PCM1: variants seen among roughly 807,000 people sequenced by gnomAD.
PCM1 encodes the protein pericentriolar material 1 protein.
PCM1 carries 157 observed loss-of-function variants against 241.9 expected under a neutral mutation model. The ratio of observed to expected loss-of-function variants is 0.65; its 90% CI spans 0.57 to 0.74. PCM1 has a LOEUF of 0.74. PCM1 is among the 30% of genes least tolerant of loss of function. The pLI is 0.00. For synonymous variants in PCM1, 1,085 were observed against 784.9 expected (o/e 1.38, Z -6.39); for missense variants, 3,478 against 2,360.1 (o/e 1.47, Z -9.81).
intron 7 of PCM1, among the ~76,000 whole-genome samples, chr8:17,948,595 G>C (rs879536871): frequency 1.3e-5 from 2 of 151,982 alleles, no homozygotes; most frequent in Admixed American, 6.5e-5. Context: ...CAGCCACCGT[G>C]CCTGGTCAAT....
At position 17,991,674 on chromosome 8, in the gene PCM1, C is replaced by G; in HGVS notation, c.4664C>G (p.Ala1555Gly). ...RIIEDGDGAG[A>G]GTTVNNLEET... ...ATTGAGGATGGAGATGGTGCTGGTGCAGGTACTACAGTTAATAATTTAGAA... is the reference window on the plus strand; with the variant it reads ...ATTGAGGATGGAGATGGTGCTGGTGGAGGTACTACAGTTAATAATTTAGAA... The change falls in exon 28 of 39, where the codon GCA becomes GGA. Residue 1555 changes from alanine to glycine, a missense_variant. By Grantham distance (60) the Ala-to-Gly change is moderately conservative. Transcript: ENST00000325083. 6.4e-7 allele frequency: 1 copy of G among 1,553,900 alleles called. No homozygotes were observed. Among genetic ancestry groups the G allele is most frequent in the African/African-American group, 1.4e-5 (1 of 73,234 alleles).
chr8:17,972,394 G>A lies in PCM1; in HGVS notation c.3650G>A (p.Gly1217Asp). The change falls in exon 23 of 39, where the codon GGT becomes GAT. Residue 1217 changes from glycine (G) to aspartate (D), a missense_variant. Gly to Asp is a moderately conservative substitution (Grantham distance 94). Transcript: ENST00000325083. ...SRTPWLYEQE[G>D]EVEKPFIKTG... ...ACACCATGGTTATATGAACAAGAAG[G>A]TGAAGTAGAGAAACCATTTATCAAG... 2 of 1,603,146 alleles carry A rather than the reference G, an allele frequency of 1.2e-6. No individual in the cohort carries two copies. Among genetic ancestry groups the A allele is most frequent in the Non-Finnish European group, 1.7e-6 (2 of 1,173,516 alleles).
At chr8:17,993,965 C>A (rs1425631708) in intron 29 of PCM1, among the ~76,000 whole-genome samples, 1 of 152,112 alleles carries the variant, frequency 6.6e-6, no homozygotes, top group Non-Finnish European at 1.5e-5. Flanking sequence ...TTGATACAGG[C>A]ATGCAATATG....
At chr8:17,986,985 T>G (rs537613007) in intron 26 of PCM1, among the ~76,000 whole-genome samples, 150 of 151,942 alleles carry the variant, frequency 9.9e-4, no homozygotes, top group Non-Finnish European at 1.7e-3. Context: ...ATACAGTAAT[T>G]TCTGAGTTTT....
intron 29 of PCM1, among the ~76,000 whole-genome samples, chr8:17,994,079 A>G (rs2085725960): frequency 6.6e-6 from 1 of 152,182 alleles, no homozygotes; most frequent in Non-Finnish European, 1.5e-5. Context: ...AAAATGTATA[A>G]TTAAATTATT....
At chr8:18,014,122 A>G in intron 35 of PCM1, 86 bp downstream of exon 35, 1 of 774,150 alleles carries the variant, frequency 1.3e-6, no homozygotes, top group East Asian at 2.8e-5. Context: ...CACACACAGA[A>G]AACACTAAAA....
In PCM1 at chr8:17,986,007, G is replaced by A. The variant is rs370611923; in HGVS notation, c.4330G>A (p.Val1444Ile). Residue 1444 changes from valine (V) to isoleucine (I), a missense_variant, in exon 26 of 39, where the codon GTA becomes ATA. Transcript: ENST00000325083. ...TGAGAGCCATGAAAAAGGAGAAAAT[G>A]TAAAGTCAGTAAACTCTGGTACTTG... ...ISESHEKGEN[V>I]KSVNSGTWIA... 1.3e-6 allele frequency: 2 copies of A among 1,593,334 alleles called. No homozygotes were observed. Among genetic ancestry groups the A allele is most frequent in the African/African-American group, 1.3e-5 (1 of 74,398 alleles).
At chr8:18,020,477 A>G (rs561175570) in intron 36 of PCM1, among the ~76,000 whole-genome samples, 1 of 152,332 alleles carries the variant, frequency 6.6e-6, no homozygotes, top group South Asian at 2.1e-4. Context: ...CTCAGATGTC[A>G]GTCTGCTTAA....
chr8:18,024,037 G>C (rs1466583545), intron 36 of PCM1, among the ~76,000 whole-genome samples: 1 of 152,168 alleles, frequency 6.6e-6, no homozygotes, highest in African/African-American at 2.4e-5. Context: ...GAAAATACCT[G>C]ACCAAAACCC....
At chr8:17,961,083 A>G (rs1026493019) in intron 15 of PCM1, among the ~76,000 whole-genome samples, 2 of 152,170 alleles carry the variant, frequency 1.3e-5, no homozygotes, top group African/African-American at 2.4e-5. Flanking sequence ...CTGAAATAAT[A>G]TAATAAAATC....
chr8:17,967,780 T>C (rs925881884), intron 21 of PCM1, among the ~76,000 whole-genome samples: 2 of 152,296 alleles, frequency 1.3e-5, no homozygotes, highest in African/African-American at 2.4e-5. Flanking sequence ...AATAAGACAG[T>C]GCTCTCCTAA....
intron 24 of PCM1, 63 bp from the exon 25 acceptor site, chr8:17,985,384 T>C: frequency 9.5e-7 from 1 of 1,052,994 alleles, no homozygotes; most frequent in Non-Finnish European, 1.4e-6. Flanking sequence ...TGATACTAGC[T>C]AATAAAAGTT....
rs1023930038 is a variant in PCM1 at position 18,027,826 on chromosome 8, C to T, written c.*164C>T. ...CCATGGTAGTTTAAAACATCAGAAA[C>T]TGAATTCTGGACAGATTTAAGCCTT... On this transcript the variant is annotated 3_prime_UTR_variant, in exon 39 of 39. Transcript: ENST00000325083. 2.3e-6 allele frequency: 1 copy of T among 434,988 alleles called. No individual in the cohort carries two copies. The highest frequency in any genetic ancestry group is 2.1e-5 in the African/African-American group (1 of 48,770). 26.9% of individuals were successfully genotyped at this position (434,988 alleles called of 1,614,324 possible). A position where few individuals can be genotyped will look rare whatever the true frequency, so the allele number is the denominator to read the frequency against.
At position 17,993,524 on chromosome 8, in the gene PCM1, A is replaced by C; in HGVS notation, c.4732A>C (p.Ser1578Arg). 3.1e-6 allele frequency: 5 copies of C among 1,588,012 alleles called. No homozygotes were observed. The highest frequency in any genetic ancestry group is 4.3e-6 in the Non-Finnish European group (5 of 1,166,932). The stretch of plus-strand genomic sequence containing the variant: ...AAATCGTAGTTCACAACAACCTGTA[A>C]GTGAAGTTTCTACCATCCCATGTCC... ...IENRSSQQPV[S>R]EVSTIPCPRI... The change falls in exon 29 of 39, where the codon AGT (serine) becomes CGT (arginine). Residue 1578 changes from serine to arginine, a missense_variant. Physicochemically the swap from Ser to Arg is moderately radical, Grantham distance 110. Transcript: ENST00000325083.
intron 23 of PCM1, among the ~76,000 whole-genome samples, chr8:17,977,731 C>T (rs1316792343): frequency 6.6e-6 from 1 of 152,168 alleles, no homozygotes; most frequent in Admixed American, 6.6e-5. Flanking sequence ...GAGCATTAGT[C>T]TTTGCAGCTG....
Position 17,980,714 on chromosome 8 carries a change from A to G in PCM1, c.4067A>G (p.Glu1356Gly), listed in dbSNP as rs2080420611. 3 of 1,611,980 alleles carry G rather than the reference A, an allele frequency of 1.9e-6. No individual in the cohort carries two copies. The highest frequency in any genetic ancestry group is 2.5e-6 in the Non-Finnish European group (3 of 1,179,096). The change falls in exon 24 of 39, where the codon GAA (glutamate) becomes GGA (glycine). Residue 1356 changes from glutamate to glycine, a missense_variant. Coordinates refer to ENST00000325083, the MANE Select transcript of PCM1 (RefSeq NM_006197.4). ...AGCAGAAAGAATCATGAGCAACTGG[A>G]AAAAATAATAAAATGTAATAGGTCT... ...VFSRKNHEQL[E>G]KIIKCNRSTE...
intron 7 of PCM1, among the ~76,000 whole-genome samples, chr8:17,949,833 A>C (rs1310309576): frequency 6.6e-6 from 1 of 152,172 alleles, no homozygotes; most frequent in Non-Finnish European, 1.5e-5. Context: ...GTTAGAAGTC[A>C]GGTTAAGGAT....
In PCM1 at chr8:17,989,974, A is replaced by T. The variant is rs780703131; in HGVS notation, c.4526A>T (p.Asp1509Val). The change falls in exon 27 of 39, where the codon GAT becomes GTT. Residue 1509 changes from aspartate to valine, a missense_variant. By Grantham distance (152) the Asp-to-Val change is radical (BLOSUM62 -3). Coordinates refer to ENST00000325083, the MANE Select transcript of PCM1 (RefSeq NM_006197.4). Reference protein sequence around the residue: ...SSNFEPFATDDLGNTVIHLDQ... With the variant: ...SSNFEPFATDVLGNTVIHLDQ... ...AATTTTGAGCCTTTTGCAACAGATG[A>T]TCTAGGTAAGCAGAATTGTTTATAA... 27 of 1,530,596 alleles carry T rather than the reference A, an allele frequency of 1.8e-5. No individual in the cohort carries two copies. Among genetic ancestry groups the T allele is most frequent in the Middle Eastern group, 1.7e-4 (1 of 5,914 alleles). The allele number at this position is 1,530,596 out of a possible 1,614,324, so 94.8% of individuals were successfully genotyped here.
At chr8:17,973,059 A>G (rs1190188577) in intron 23 of PCM1, among the ~76,000 whole-genome samples, 1 of 152,156 alleles carries the variant, frequency 6.6e-6, no homozygotes, top group Non-Finnish European at 1.5e-5. Flanking sequence ...TTGATTGATT[A>G]GTTTAAAGAA....
Sources: gnomAD v4.1 joint callset for allele counts (sites outside exome capture counted in the v4.1 genomes callset) on GRCh38, gnomAD v4.1.1 for gene constraint, MANE v1.5 for transcripts, NCBI Gene and HGNC (gene_info 2026-07-23, HGNC 2026-07-21) for gene names.